Variants in CSMD3 observed in about 807,000 individuals in gnomAD.
CSMD3 encodes CUB and sushi domain-containing protein 3.
CSMD3 carries 177 observed loss-of-function variants against 435.2 expected under a neutral mutation model. That is an observed-to-expected ratio of 0.41 (90% CI 0.36 to 0.46). CSMD3 has a LOEUF of 0.46. Among genes scored for constraint, CSMD3 ranks in the 20% least tolerant of loss-of-function variants. CSMD3 has a pLI of 0.34. For missense variants in CSMD3, 4,265 were observed against 4,504.6 expected (o/e 0.95, Z 1.52); for synonymous variants, 1,656 against 1,520.5 (o/e 1.09, Z -2.07).
intron 1 of CSMD3, among the ~76,000 whole-genome samples, chr8:113,345,710 T>A (rs1007943695): frequency 6.6e-6 from 1 of 152,134 alleles, no homozygotes; most frequent in African/African-American, 2.4e-5. Flanking sequence ...ACATTTTACA[T>A]GTAATAATTC....
chr8:112,369,042 C>T (rs541782707), intron 38 of CSMD3, among the ~76,000 whole-genome samples: 12 of 152,046 alleles, frequency 7.9e-5, no homozygotes, highest in African/African-American at 2.6e-4. Context: ...TAGCTAGTTT[C>T]GAAGAATCTA....
At chr8:112,243,833 T>C (rs1278537236) in intron 65 of CSMD3, among the ~76,000 whole-genome samples, 1 of 151,934 alleles carries the variant, frequency 6.6e-6, no homozygotes, top group Non-Finnish European at 1.5e-5. Flanking sequence ...GAACCCCAAA[T>C]ACAAGGACTG....
intron 12 of CSMD3, among the ~76,000 whole-genome samples, chr8:112,827,989 A>G (rs1162118536): frequency 6.6e-6 from 1 of 152,200 alleles, no homozygotes; most frequent in Non-Finnish European, 1.5e-5. Flanking sequence ...ACAAATAATG[A>G]TAGGAAAAAA....
intron 6 of CSMD3, among the ~76,000 whole-genome samples, chr8:112,997,488 G>C (rs2085697336): frequency 6.6e-6 from 1 of 151,468 alleles, no homozygotes; most frequent in African/African-American, 2.4e-5. Flanking sequence ...ATGAATAACA[G>C]CTAATGATCA....
chr8:112,362,608 A>G (rs889305419), intron 38 of CSMD3, among the ~76,000 whole-genome samples: 1 of 152,002 alleles, frequency 6.6e-6, no homozygotes, highest in Non-Finnish European at 1.5e-5. Flanking sequence ...CATTCCAGAA[A>G]TGCAGAGATC....
intron 10 of CSMD3, among the ~76,000 whole-genome samples, chr8:112,888,737 T>C (rs887785724): frequency 3.3e-5 from 5 of 151,708 alleles, no homozygotes; most frequent in Non-Finnish European, 7.4e-5. Context: ...GTGTAATTTC[T>C]GTTAGCGCCT....
chr8:112,825,183 G>C (rs2079641832), intron 12 of CSMD3, among the ~76,000 whole-genome samples: 1 of 152,010 alleles, frequency 6.6e-6, no homozygotes, highest in African/African-American at 2.4e-5. Flanking sequence ...CTCTATACTG[G>C]TTATTCTAGT....
intron 24 of CSMD3, among the ~76,000 whole-genome samples, chr8:112,568,130 TCA>T (rs2131278284): frequency 6.6e-6 from 1 of 152,272 alleles, no homozygotes; most frequent in African/African-American, 2.4e-5. Flanking sequence ...TAAGTGTATC[TCA>T]CACATGTTTT....
chr8:112,899,024 G>T (rs1481946063), intron 10 of CSMD3, among the ~76,000 whole-genome samples: 1 of 151,136 alleles, frequency 6.6e-6, no homozygotes, highest in Non-Finnish European at 1.5e-5. Context: ...TGACACAAAT[G>T]CATAAGATCA....
At chr8:112,748,433 T>C (rs1036847859) in intron 13 of CSMD3, among the ~76,000 whole-genome samples, 6 of 152,206 alleles carry the variant, frequency 3.9e-5, no homozygotes, top group Non-Finnish European at 5.9e-5. Context: ...CATATTATTA[T>C]ATAACCCAGG....
At position 112,492,501 on chromosome 8, in the gene CSMD3, G is replaced by A. The variant is rs1424943206; in HGVS notation, c.5266C>T (p.Pro1756Ser). The A allele has an allele frequency of 1.9e-6, 3 of 1,613,496 alleles. No individual in the cohort carries two copies. The highest frequency in any genetic ancestry group is 2.5e-6 in the Non-Finnish European group (3 of 1,179,546). Residue 1756 changes from proline to serine, a missense_variant, in exon 31 of 71, where the codon CCA (proline) becomes TCA (serine). By Grantham distance (74) the Pro-to-Ser change is moderately conservative. This residue lies in a region of CSMD3 where 3,255 missense variants were observed against 3,380.2 expected (regional missense o/e 0.96). Transcript: ENST00000297405. ...DGRPGWNRAL[P>S]SCHAPCGSRS... ...ATATGTTCCTTACCATGACAACTTG[G>A]CAAGGCTCTATTCCATCCAGGTCTT...
intron 5 of CSMD3, among the ~76,000 whole-genome samples, chr8:113,079,681 A>T (rs1345688639): frequency 6.6e-6 from 1 of 152,180 alleles, no homozygotes; most frequent in African/African-American, 2.4e-5. Flanking sequence ...CACTAGAAGA[A>T]CAAAACCTAA....
chr8:113,091,885 G>A (rs1342573579), intron 5 of CSMD3, among the ~76,000 whole-genome samples: 1 of 151,748 alleles, frequency 6.6e-6, no homozygotes, highest in South Asian at 2.1e-4. Flanking sequence ...TTTATTTGAA[G>A]TTTTTCTTTT....
At chr8:112,763,221 T>C (rs1445892294) in intron 13 of CSMD3, among the ~76,000 whole-genome samples, 4 of 151,618 alleles carry the variant, frequency 2.6e-5, no homozygotes, top group Admixed American at 2.6e-4. Flanking sequence ...AAATTACTTA[T>C]TAAAATGATA....
intron 31 of CSMD3, among the ~76,000 whole-genome samples, chr8:112,484,659 G>C (rs1233161906): frequency 6.6e-6 from 1 of 152,012 alleles, no homozygotes; most frequent in Non-Finnish European, 1.5e-5. Flanking sequence ...TGGAGATATG[G>C]TTTAAATATG....
At chr8:112,656,784 T>G (rs1348961934) in intron 17 of CSMD3, among the ~76,000 whole-genome samples, 1 of 152,054 alleles carries the variant, frequency 6.6e-6, no homozygotes, top group Non-Finnish European at 1.5e-5. Context: ...TATTCAAGTG[T>G]TTTTTATTGA....
rs530414749 is a variant in CSMD3 at position 113,196,948 on chromosome 8, A to AATCTGTTT, written c.515-23033_515-23032insAAACAGAT. The stretch of plus-strand genomic sequence containing the variant: ...CATTCTGTTTGTGCAATCTCAGGTA[A>AATCTGTTT]GTACTTAACCCCTCTGTGGAACAAT... On this transcript the variant is annotated intron_variant, in intron 3 of 70. Coordinates refer to ENST00000297405, the MANE Select transcript of CSMD3 (RefSeq NM_198123.2). Among the ~76,000 whole-genome samples the AATCTGTTT allele has an allele frequency of 4.3e-3, 655 of 151,312 alleles. 3 individuals are homozygous for AATCTGTTT. Among genetic ancestry groups the AATCTGTTT allele is most frequent in the Non-Finnish European group, 7.0e-3 (475 of 67,400 alleles).
rs2094138880 is a variant in CSMD3 at position 113,344,351 on chromosome 8, A to G, written c.179-29558T>C. ...GTTTTTTTCTTTCCAGTTAGATTTC[A>G]AAGTCTTTTGAGATAAAATTATGTT... is the stretch of plus-strand genomic sequence containing the variant. On this transcript the variant is annotated intron_variant, in intron 1 of 70. Transcript: ENST00000297405. Among the ~76,000 whole-genome samples, 5 of 152,202 alleles carry G rather than the reference A, an allele frequency of 3.3e-5. No homozygotes were observed. The South Asian group carries it at 1.0e-3, about 32-fold the overall frequency.
chr8:113,052,073 A>G (rs535302329), intron 5 of CSMD3, among the ~76,000 whole-genome samples: 2 of 152,336 alleles, frequency 1.3e-5, no homozygotes, highest in Admixed American at 1.3e-4. Context: ...AGTAAACATT[A>G]ATAAACACTA....
Sources: gnomAD v4.1 joint callset for allele counts (sites outside exome capture counted in the v4.1 genomes callset) on GRCh38, gnomAD v4.1.1 for gene constraint, gnomAD v4.1.1 regional missense constraint, MANE v1.5 for transcripts, NCBI Gene and HGNC (gene_info 2026-07-23, HGNC 2026-07-21) for gene names.